GALK2: variants seen among roughly 807,000 people sequenced by gnomAD.
GALK2 encodes the protein galactokinase 2.
In GALK2, 36 loss-of-function variants were observed where a neutral mutation model predicts 52.4. The ratio of observed to expected loss-of-function variants is 0.69; its 90% confidence interval spans 0.53 to 0.91. The LOEUF (loss-of-function observed/expected upper bound fraction) is 0.91. Among genes scored for constraint, GALK2 ranks in the 40% least tolerant of loss-of-function variants. GALK2 has a pLI of 0.00. For synonymous variants in GALK2, 176 were observed against 199.1 expected, an observed-to-expected ratio of 0.88 and a Z score of 0.98; for missense variants, 579 against 559.1, an observed-to-expected ratio of 1.04 and a Z score of -0.36.
At chr15:49,335,429 C>T, downstream of GALK2, 1 of 1,608,002 alleles carries the variant, frequency 6.2e-7, no homozygotes, top group Non-Finnish European at 8.5e-7. Context: ...ATCCTAAAAT[C>T]CTTTTGGTTC....
intron 2 of GALK2, among the ~76,000 whole-genome samples, chr15:49,209,800 T>G (rs2413938): frequency 0.18 from 27,973 of 152,158 alleles, 3,403 homozygotes; most frequent in East Asian, 0.34. Context: ...GTTTTCTTTT[T>G]CTGTTGTGTC....
chr15:49,357,343 C>T (rs1385496376), intron 3 of GALK2, among the ~76,000 whole-genome samples: 5 of 148,410 alleles, frequency 3.4e-5, no homozygotes, highest in Non-Finnish European at 7.5e-5. Context: ...GCTAGCAAGA[C>T]TAATAAAGAA....
At chr15:49,178,161 CTG>C (rs1367958957) in intron 1 of GALK2, among the ~76,000 whole-genome samples, 7 of 75,684 alleles carry the variant, frequency 9.2e-5, no homozygotes, top group Non-Finnish European at 1.2e-4. Flanking sequence ...GAGCAAGACT[CTG>C]TTTCAAAAAA....
chr15:49,172,538 G>A (rs891521400), intron 1 of GALK2, among the ~76,000 whole-genome samples: 16 of 151,906 alleles, frequency 1.1e-4, no homozygotes, highest in Non-Finnish European at 2.2e-4. Context: ...ATGCTGAGAA[G>A]GAAAAAAAAT....
At chr15:49,353,135 C>CTGA (rs1294653182) in intron 3 of GALK2, among the ~76,000 whole-genome samples, 1 of 152,176 alleles carries the variant, frequency 6.6e-6, no homozygotes, top group Non-Finnish European at 1.5e-5. Context: ...AATTCAGCCA[C>CTGA]TGATAGTGTG....
At chr15:49,361,453 A>G (rs1225762600) in intron 3 of GALK2, among the ~76,000 whole-genome samples, 1 of 152,012 alleles carries the variant, frequency 6.6e-6, no homozygotes, top group African/African-American at 2.4e-5. Context: ...TTGTGTCCAC[A>G]TGTACTCAAT....
At chr15:49,301,997 T>C (rs1258919504) in intron 8 of GALK2, among the ~76,000 whole-genome samples, 1 of 152,176 alleles carries the variant, frequency 6.6e-6, no homozygotes, top group Non-Finnish European at 1.5e-5. Flanking sequence ...ACCTTCTAAT[T>C]TGAATCTCAC....
At chr15:49,338,490 G>A (rs553622533) in intron 3 of GALK2, among the ~76,000 whole-genome samples, 1 of 152,346 alleles carries the variant, frequency 6.6e-6, no homozygotes, top group East Asian at 1.9e-4. Flanking sequence ...TCTGCAGAGA[G>A]ATCCGCTGTT....
chr15:49,169,111 A>G (rs918199527), upstream of GALK2: 2 of 152,108 alleles, frequency 1.3e-5, no homozygotes, highest in African/African-American at 4.9e-5. Context: ...CCTCCTGTAT[A>G]CATGTATACA....
chr15:49,202,371 A>G (rs921160590), intron 2 of GALK2, among the ~76,000 whole-genome samples: 2 of 152,016 alleles, frequency 1.3e-5, no homozygotes, highest in African/African-American at 4.8e-5. Context: ...TATCCTTCCC[A>G]GCCTCTAGTA....
chr15:49,305,388 T>A (rs1281223444), intron 8 of GALK2, among the ~76,000 whole-genome samples: 3 of 152,132 alleles, frequency 2.0e-5, no homozygotes, highest in Non-Finnish European at 4.4e-5. Context: ...CGCTCCATAG[T>A]TTTTTAGAAA....
intron 2 of GALK2, among the ~76,000 whole-genome samples, chr15:49,206,265 T>A (rs2141330619): frequency 6.6e-6 from 1 of 151,648 alleles, no homozygotes; most frequent in South Asian, 2.1e-4. Context: ...TTATTATTAT[T>A]ATACTTTTTT....
rs531178083 is a variant in GALK2, at chr15:49,256,748, C to T, written c.504+17381C>T. Among the ~76,000 whole-genome samples, 8 of 152,190 alleles carry T rather than the reference C, an allele frequency of 5.3e-5. No individual in the cohort carries two copies. In the East Asian group the frequency reaches 7.7e-4, roughly 15 times the overall value. ...CTATTAACTTTTAACTTCACTATAG[C>T]GCTTCTTAGTTTGTATTGTAAAGAT... On this transcript the variant is annotated intron_variant, in intron 5 of 9. Transcript: ENST00000560031.
intron 1 of GALK2, among the ~76,000 whole-genome samples, chr15:49,182,154 C>T (rs768420149): frequency 3.3e-5 from 5 of 152,152 alleles, no homozygotes; most frequent in Admixed American, 6.5e-5. Flanking sequence ...TGCTACCCTT[C>T]GCAACCTCTG....
At chr15:49,264,877 G>T (rs1465629571) in intron 5 of GALK2, among the ~76,000 whole-genome samples, 2 of 152,226 alleles carry the variant, frequency 1.3e-5, no homozygotes, top group Non-Finnish European at 2.9e-5. Context: ...AGTGGTGGCT[G>T]TAGTACAGCG....
At position 49,178,935 on chromosome 15, in the gene GALK2, T is replaced by A. The variant is rs993665579; in HGVS notation, c.53+8560T>A. Among the ~76,000 whole-genome samples, 10 of 152,330 alleles carry A rather than the reference T, an allele frequency of 6.6e-5. No individual in the cohort carries two copies. In the East Asian group the frequency reaches 1.9e-3, roughly 29 times the overall value. On this transcript the variant is annotated intron_variant, in intron 1 of 9. Coordinates refer to ENST00000560031, the MANE Select transcript of GALK2 (RefSeq NM_002044.4). ...GCTGTGGCCTTAATTTCCACTTTCC[T>A]TCAGCTTCTTGCTCATTAATTTGCT...
chr15:49,344,981 G>A (rs867027244), intron 3 of GALK2, among the ~76,000 whole-genome samples: 29 of 152,076 alleles, frequency 1.9e-4, no homozygotes, highest in African/African-American at 6.5e-4. Context: ...AAGTATAAAT[G>A]GTGTTGAGCT....
chr15:49,241,459 C>A (rs1165818671), intron 5 of GALK2, among the ~76,000 whole-genome samples: 1 of 152,108 alleles, frequency 6.6e-6, no homozygotes, highest in East Asian at 1.9e-4. Context: ...ACAGCAAAGA[C>A]AAGGAAGATA....
intron 5 of GALK2, among the ~76,000 whole-genome samples, chr15:49,257,681 AGT>A (rs1244900207): frequency 6.6e-6 from 1 of 152,092 alleles, no homozygotes; most frequent in Non-Finnish European, 1.5e-5. Flanking sequence ...ACAGTTTTCA[AGT>A]GTGAGTTTTA....
Sources: allele counts gnomAD v4.1 joint callset (sites outside exome capture counted in the v4.1 genomes callset), GRCh38; gene constraint gnomAD v4.1.1; transcripts MANE v1.5; gene names NCBI Gene and HGNC (gene_info 2026-07-23, HGNC 2026-07-21).